The following SDHA variants were observed in gnomAD, a reference collection of about 807,000 sequenced individuals.
SDHA encodes the protein succinate dehydrogenase [ubiquinone] flavoprotein subunit, mitochondrial.
In SDHA, 48 loss-of-function variants were observed where a neutral mutation model predicts 78.4. The observed-to-expected ratio is 0.61, with a 90% CI of 0.49 to 0.78. The LOEUF (loss-of-function observed/expected upper bound fraction) is 0.78. SDHA is among the 30% of genes least tolerant of loss of function. The pLI, the probability that SDHA is intolerant of heterozygous loss-of-function variation, is 0.00. For missense variants in SDHA, 680 were observed against 892.7 expected, an observed-to-expected ratio of 0.76 and a Z score of 3.04; for synonymous variants, 326 against 353.9, an observed-to-expected ratio of 0.92 and a Z score of 0.88.
intron 7 of SDHA, among the ~76,000 whole-genome samples, chr5:232,641 C>T (rs1217417167): frequency 1.3e-5 from 2 of 151,784 alleles, no homozygotes; most frequent in Non-Finnish European, 3.0e-5. Flanking sequence ...GAAGTAACCA[C>T]AGAAAAAAGA....
the SDHA span, among the ~76,000 whole-genome samples, chr5:266,844 T>A: frequency 1.1e-4 from 11 of 96,390 alleles, no homozygotes; most frequent in African/African-American, 1.0e-3. Flanking sequence ...ATTCAGACCC[T>A]CGCCGTCCCG....
At position 256,446 on chromosome 5, in the gene SDHA, A is replaced by C; in HGVS notation, c.*26A>C. ...TGAGACAAGATGTGGTGATGACAGA[A>C]TCAGCTTTTGTAATTATGTATAATA... On this transcript the variant is annotated 3_prime_UTR_variant, in exon 15 of 15. Transcript: ENST00000264932. 4 of 1,568,252 alleles carry C rather than the reference A, an allele frequency of 2.6e-6. No individual in the cohort carries two copies. Among genetic ancestry groups the C allele is most frequent in the Non-Finnish European group, 3.5e-6 (4 of 1,138,710 alleles).
chr5:218,828 C>A (rs1400692726), intron 1 of SDHA, among the ~76,000 whole-genome samples: 2 of 152,100 alleles, frequency 1.3e-5, no homozygotes, highest in African/African-American at 2.4e-5. Flanking sequence ...CCTGGCTGGG[C>A]TGGGCCTCTG....
At position 254,479 on chromosome 5, in the gene SDHA, G is replaced by C. The variant is rs1390181757; in HGVS notation, c.1881G>C (p.Leu627=). 3 of 1,580,388 alleles carry C rather than the reference G, an allele frequency of 1.9e-6. No individual in the cohort carries two copies. In the East Asian group the frequency reaches 6.9e-5, roughly 36 times the overall value. The change falls in exon 14 of 15, where the codon CTG becomes CTC. Residue 627 remains leucine (L), a synonymous_variant. Coordinates refer to ENST00000264932, the MANE Select transcript of SDHA (RefSeq NM_004168.4). ...AGGAGCACTGGAGGAAGCACACCCTGTCCTATGTGGACGTTGGCACTGGGA... is the reference window on the plus strand; with the variant it reads ...AGGAGCACTGGAGGAAGCACACCCTCTCCTATGTGGACGTTGGCACTGGGA... ...PFEEHWRKHT[L]SYVDVGTGKV...
intron 14 of SDHA, among the ~76,000 whole-genome samples, chr5:254,793 G>T (rs1324983522): frequency 6.6e-6 from 1 of 152,098 alleles, no homozygotes; most frequent in South Asian, 2.1e-4. Context: ...AGGCCTGGTG[G>T]TAGGGGAGGA....
chr5:230,832 G>A (rs1213948987), intron 6 of SDHA, 44 bp from the exon 7 acceptor site: 37 of 1,613,876 alleles, frequency 2.3e-5, no homozygotes, highest in Non-Finnish European at 3.1e-5. Flanking sequence ...AGGAGGTCCA[G>A]ATGTGGGCCG....
downstream of SDHA, among the ~76,000 whole-genome samples, chr5:257,556 G>A (rs1188958132): frequency 1.5e-5 from 2 of 131,050 alleles, no homozygotes; most frequent in Non-Finnish European, 3.3e-5. Flanking sequence ...CGCCCTGCCA[G>A]AGCATTACTG....
At chr5:242,352 C>T (rs532706489) in intron 11 of SDHA, among the ~76,000 whole-genome samples, 6 of 152,314 alleles carry the variant, frequency 3.9e-5, no homozygotes, top group South Asian at 2.1e-4. Flanking sequence ...GGTGGAAAAC[C>T]GCTTAAGGCA....
chr5:230,832 G>C (rs1213948987), intron 6 of SDHA, 44 bp from the exon 7 acceptor site: 1 of 1,613,996 alleles, frequency 6.2e-7, no homozygotes, highest in Non-Finnish European at 8.5e-7. Flanking sequence ...AGGAGGTCCA[G>C]ATGTGGGCCG....
At chr5:251,905 G>A (rs1475021808) in intron 13 of SDHA, 57 of 348,378 alleles carry the variant, frequency 1.6e-4, no homozygotes, top group South Asian at 1.1e-3. Context: ...ATTAAATAAC[G>A]AGTAAGCCAC....
rs908340984 is a variant in SDHA at position 256,953 on chromosome 5, C to T, written c.*533C>T. On this transcript the variant is annotated 3_prime_UTR_variant, in exon 15 of 15. Coordinates refer to ENST00000264932, the MANE Select transcript of SDHA (RefSeq NM_004168.4). ...CTGAGTAGTTGGGGCTACAGGTGTG[C>T]ACCACCATGCCCAGCTCATTTATTT... Among the ~76,000 whole-genome samples the T allele has an allele frequency of 2.0e-5, 3 of 151,558 alleles. No homozygotes were observed. Among genetic ancestry groups the T allele is most frequent in the African/African-American group, 4.9e-5 (2 of 41,136 alleles).
chr5:230,633 A>G (rs1354328648), intron 6 of SDHA, among the ~76,000 whole-genome samples: 1 of 136,502 alleles, frequency 7.3e-6, no homozygotes, highest in Admixed American at 7.0e-5. Context: ...CTCAAAATAA[A>G]TAAATAAAAT....
chr5:251,677 A>G (rs2162869), intron 13 of SDHA: 165,266 of 1,501,796 alleles, frequency 0.11, 10,176 homozygotes, highest in Non-Finnish European at 0.12. Context: ...GTCGGCATCC[A>G]CTGATGCCAG....
chr5:244,264 G>A (rs60351892), intron 11 of SDHA, among the ~76,000 whole-genome samples: 35,671 of 151,070 alleles, frequency 0.24, 6,174 homozygotes, highest in African/African-American at 0.51. Context: ...AAAGGTCCCA[G>A]CAGGAGTCTG....
chr5:233,856 G>A (rs1352907904), intron 8 of SDHA: 2 of 544,024 alleles, frequency 3.7e-6, no homozygotes, highest in Non-Finnish European at 6.7e-6. Flanking sequence ...CAAATCTGTG[G>A]AACAGAGTTT....
At chr5:236,650 G>A (rs372754478) in intron 10 of SDHA, 51 bp downstream of exon 10, 14 of 1,579,112 alleles carry the variant, frequency 8.9e-6, no homozygotes, top group Non-Finnish European at 1.1e-5. Context: ...CAGGACGTTA[G>A]AAAGTCTTTT....
chr5:247,961 C>T (rs1464243667), intron 11 of SDHA, among the ~76,000 whole-genome samples: 1 of 151,744 alleles, frequency 6.6e-6, no homozygotes, highest in African/African-American at 2.4e-5. Flanking sequence ...AAAACAGGGA[C>T]TACGGGACAC....
chr5:247,714 C>T (rs1235057825), intron 11 of SDHA, among the ~76,000 whole-genome samples: 1 of 152,230 alleles, frequency 6.6e-6, no homozygotes, highest in East Asian at 1.9e-4. Flanking sequence ...GCATGCCAAT[C>T]AGGAGAGTCT....
At chr5:240,641 C>T (rs180994546) in intron 11 of SDHA, among the ~76,000 whole-genome samples, 165 bp downstream of exon 11, 40 of 152,228 alleles carry the variant, frequency 2.6e-4, no homozygotes, top group Non-Finnish European at 3.8e-4. Flanking sequence ...TCACACAAGT[C>T]GTGTGTGTTG....
Sources: gnomAD v4.1 joint callset for allele counts (sites outside exome capture counted in the v4.1 genomes callset) on GRCh38, gnomAD v4.1.1 for gene constraint, MANE v1.5 for transcripts, NCBI Gene and HGNC (gene_info 2026-07-23, HGNC 2026-07-21) for gene names.